FHIT: variants seen among roughly 807,000 people sequenced by gnomAD.
The protein encoded by FHIT is bis(5'-adenosyl)-triphosphatase.
In FHIT, 19 loss-of-function variants were observed where a neutral mutation model predicts 17.9. That is an observed-to-expected ratio of 1.06 (90% confidence interval 0.74 to 1.56). The LOEUF is 1.56. Among genes scored for constraint, FHIT ranks in the 40% most tolerant of loss-of-function variants. The pLI is 0.00. For synonymous variants in FHIT, 81 were observed against 69.7 expected, an observed-to-expected ratio of 1.16 and a Z score of -0.81; for missense variants, 248 against 189.2, an observed-to-expected ratio of 1.31 and a Z score of -1.82.
At chr3:61,239,939 G>T (rs954001601) in intron 1 of FHIT, among the ~76,000 whole-genome samples, 1 of 151,816 alleles carries the variant, frequency 6.6e-6, no homozygotes, top group Admixed American at 6.6e-5. Context: ...AACACTTCTG[G>T]CCTCACCAGG....
At chr3:60,365,685 A>C (rs1700078207) in intron 5 of FHIT, among the ~76,000 whole-genome samples, 1 of 152,200 alleles carries the variant, frequency 6.6e-6, no homozygotes, top group Non-Finnish European at 1.5e-5. Context: ...ATTTCTATGA[A>C]AATTTTCAAT....
chr3:60,940,277 G>A (rs138993662), intron 3 of FHIT, among the ~76,000 whole-genome samples: 3 of 152,166 alleles, frequency 2.0e-5, no homozygotes, highest in Non-Finnish European at 2.9e-5. Context: ...ACAAGCTCAC[G>A]TGTGCCAAAC....
At chr3:60,523,494 C>G (rs1311320704) in intron 5 of FHIT, among the ~76,000 whole-genome samples, 2 of 151,664 alleles carry the variant, frequency 1.3e-5, no homozygotes, top group South Asian at 2.1e-4. Flanking sequence ...AAGGGATCAT[C>G]AGAAAGAAAT....
At chr3:61,177,690 G>T (rs2038201468) in intron 2 of FHIT, among the ~76,000 whole-genome samples, 1 of 152,084 alleles carries the variant, frequency 6.6e-6, no homozygotes, top group Non-Finnish European at 1.5e-5. Context: ...TTCATGTTTA[G>T]ACTAGTAAAC....
In FHIT at chr3:61,207,755, T is replaced by C. The variant is rs1047824168; in HGVS notation, c.-212-7090A>G. On this transcript the variant is annotated intron_variant, in intron 1 of 9. Transcript: ENST00000492590. Reference sequence around the variant, plus strand: ...TAGAGGTCTATCAATTTTGTTGATCTTTTCAAAAAACCAGCTCCTGGATTC... The same window carrying C: ...TAGAGGTCTATCAATTTTGTTGATCCTTTCAAAAAACCAGCTCCTGGATTC... Among the ~76,000 whole-genome samples, 8 of 152,276 alleles carry C rather than the reference T, an allele frequency of 5.3e-5. No individual in the cohort carries two copies. The East Asian group carries it at 5.8e-4, about 11-fold the overall frequency.
At chr3:60,332,051 G>C (rs374996905) in intron 5 of FHIT, among the ~76,000 whole-genome samples, 4 of 152,006 alleles carry the variant, frequency 2.6e-5, no homozygotes, top group Non-Finnish European at 4.4e-5. Context: ...ACTAGAACAA[G>C]TGCCACTAGA....
intron 5 of FHIT, among the ~76,000 whole-genome samples, chr3:60,454,592 G>T (rs1201198086): frequency 6.6e-6 from 1 of 151,998 alleles, no homozygotes; most frequent in Non-Finnish European, 1.5e-5. Context: ...CACCGTGTTA[G>T]CCAGGATGGT....
chr3:60,037,148 G>A (rs372740291), intron 5 of FHIT, among the ~76,000 whole-genome samples: 15 of 152,132 alleles, frequency 9.9e-5, no homozygotes, highest in Non-Finnish European at 1.8e-4. Context: ...CCTCATTCGT[G>A]AATTTATCTG....
intron 8 of FHIT, among the ~76,000 whole-genome samples, chr3:59,881,860 A>G (rs1408045645): frequency 6.6e-6 from 1 of 152,194 alleles, no homozygotes; most frequent in Non-Finnish European, 1.5e-5. Context: ...ACCTGTCCCC[A>G]TATCATTTCT....
At chr3:60,722,060 T>C (rs1553708191) in intron 4 of FHIT, among the ~76,000 whole-genome samples, 1 of 152,152 alleles carries the variant, frequency 6.6e-6, no homozygotes, top group East Asian at 1.9e-4. Context: ...TAAACAGCAG[T>C]GGTAAATACG....
chr3:60,025,209 G>C (rs1010774725), intron 5 of FHIT, among the ~76,000 whole-genome samples: 2 of 152,168 alleles, frequency 1.3e-5, no homozygotes, highest in Middle Eastern at 3.2e-3. Context: ...GAAATAACTA[G>C]AGCAGAGTTT....
At chr3:59,834,723 C>T (rs1242218447) in intron 8 of FHIT, among the ~76,000 whole-genome samples, 1 of 152,136 alleles carries the variant, frequency 6.6e-6, no homozygotes, top group African/African-American at 2.4e-5. Context: ...AAGGTCCCAC[C>T]TTCAAACACC....
In FHIT at chr3:60,825,492, G is replaced by A. The variant is rs187131970; in HGVS notation, c.-110-3481C>T. Reference sequence around the variant, plus strand: ...AGGTCGGGGTCCCCAACCGCCAGGCGGCAGACCAGTACCAGTCTGTGGCCT... The same window carrying A: ...AGGTCGGGGTCCCCAACCGCCAGGCAGCAGACCAGTACCAGTCTGTGGCCT... On this transcript the variant is annotated intron_variant, in intron 3 of 9. Transcript: ENST00000492590. Among the ~76,000 whole-genome samples, 19 of 152,278 alleles carry A rather than the reference G, an allele frequency of 1.2e-4. 1 individual carries two copies. The highest frequency in any genetic ancestry group is 3.9e-4 in the East Asian group (2 of 5,180).
At chr3:59,921,169 C>T (rs1705383385) in intron 8 of FHIT, among the ~76,000 whole-genome samples, 1 of 152,192 alleles carries the variant, frequency 6.6e-6, no homozygotes, top group South Asian at 2.1e-4. Context: ...AACCAGCCAC[C>T]TCACGGAATC....
chr3:59,777,470 C>A (rs1359074849), intron 8 of FHIT, among the ~76,000 whole-genome samples: 1 of 152,132 alleles, frequency 6.6e-6, no homozygotes, highest in African/African-American at 2.4e-5. Context: ...GAGCCAAAAA[C>A]CAGCAATTCT....
chr3:59,922,620 T>C (rs1048823387), intron 7 of FHIT, among the ~76,000 whole-genome samples: 1 of 152,080 alleles, frequency 6.6e-6, no homozygotes, highest in African/African-American at 2.4e-5. Context: ...ACTTGGGGTA[T>C]ATATGAGAGT....
At chr3:60,917,399 C>A (rs1384907229) in intron 3 of FHIT, among the ~76,000 whole-genome samples, 2 of 152,240 alleles carry the variant, frequency 1.3e-5, no homozygotes, top group Non-Finnish European at 2.9e-5. Flanking sequence ...CTTCTTTACA[C>A]AGCAGCTGAA....
At chr3:59,803,562 G>C (rs1700083166) in intron 8 of FHIT, among the ~76,000 whole-genome samples, 1 of 152,218 alleles carries the variant, frequency 6.6e-6, no homozygotes, top group Non-Finnish European at 1.5e-5. Context: ...TATGAACAAA[G>C]GTGGAAAGAT....
chr3:60,219,886 C>G (rs751480003), intron 5 of FHIT, among the ~76,000 whole-genome samples: 11 of 152,146 alleles, frequency 7.2e-5, no homozygotes, highest in Non-Finnish European at 1.6e-4. Flanking sequence ...TCAGACGCTA[C>G]TCAACCTGGA....
Sources: allele counts gnomAD v4.1 joint callset (sites outside exome capture counted in the v4.1 genomes callset), GRCh38; gene constraint gnomAD v4.1.1; transcripts MANE v1.5; gene names NCBI Gene and HGNC (gene_info 2026-07-23, HGNC 2026-07-21).